Variants in ADH6 observed in about 807,000 individuals in gnomAD.
ADH6 encodes the protein alcohol dehydrogenase 6.
A neutral mutation model predicts 36.5 loss-of-function variants in ADH6; 34 were observed. That is an observed-to-expected ratio of 0.93 (90% CI 0.71 to 1.24). The LOEUF is 1.24. Among genes scored for constraint, ADH6 ranks in the 50% most tolerant of loss-of-function variants. The pLI is 0.00. For missense variants in ADH6, 440 were observed against 447.0 expected (o/e 0.98, Z 0.14); for synonymous variants, 161 against 155.5 (o/e 1.04, Z -0.26).
intron 3 of ADH6, 101 bp downstream of exon 3, chr4:99,213,505 T>A (rs1243128461): frequency 1.7e-6 from 2 of 1,178,620 alleles, no homozygotes; most frequent in Non-Finnish European, 2.3e-6. Flanking sequence ...ACATTTCACC[T>A]TTCATTTCAC....
intron 6 of ADH6, 199 bp downstream of exon 6, chr4:99,208,469 A>T (rs1196392347): frequency 2.1e-6 from 1 of 485,438 alleles, no homozygotes; most frequent in Non-Finnish European, 3.5e-6. Context: ...CTTTGAAATT[A>T]TATGAAAGTT....
chr4:99,204,097 G>A lies in ADH6; in HGVS notation c.*122C>T. ...GCCAGATATAGGTCCACTGCGGAGT[G>A]AATCAGAAGTCAGAATATAGAAATG... On this transcript the variant is annotated 3_prime_UTR_variant, in exon 9 of 9. Coordinates refer to ENST00000394899, the MANE Select transcript of ADH6 (RefSeq NM_001102470.2). 1 of 1,234,184 alleles carries A rather than the reference G, an allele frequency of 8.1e-7. No individual in the cohort carries two copies. Among genetic ancestry groups the A allele is most frequent in the Non-Finnish European group, 1.1e-6 (1 of 886,764 alleles). The allele number at this position is 1,234,184 out of a possible 1,614,324, so 76.5% of individuals were successfully genotyped here. A position where few individuals can be genotyped will look rare whatever the true frequency, so the allele number is the denominator to read the frequency against.
chr4:99,215,221 G>A (rs1413577630), intron 2 of ADH6, among the ~76,000 whole-genome samples: 1 of 152,206 alleles, frequency 6.6e-6, no homozygotes, highest in Non-Finnish European at 1.5e-5. Flanking sequence ...AGGGGATGTA[G>A]GATGGAGAAG....
Position 99,209,102 on chromosome 4 carries a change from C to T in ADH6, c.568-174G>A, listed in dbSNP as rs543212365. 3.9e-5 allele frequency among the ~76,000 whole-genome samples: 6 copies of T among 152,162 alleles called. No homozygotes were observed. The South Asian group carries it at 1.2e-3, about 32-fold the overall frequency. ...AAGTTTTGATTTTTCAAAAATATTT[C>T]TAGATATGGAATACTCTTGGCACAG... On this transcript the variant is annotated intron_variant, in intron 5 of 8. Coordinates refer to ENST00000394899, the MANE Select transcript of ADH6 (RefSeq NM_001102470.2).
At chr4:99,204,834 A>G in intron 8 of ADH6, 91 bp downstream of exon 8, 24 of 1,483,436 alleles carry the variant, frequency 1.6e-5, no homozygotes, top group South Asian at 1.0e-4. Flanking sequence ...CAGCTTCTGC[A>G]GCAGGGACGA....
At chr4:99,215,130 G>A (rs929471935) in intron 2 of ADH6, among the ~76,000 whole-genome samples, 1 of 152,122 alleles carries the variant, frequency 6.6e-6, no homozygotes, top group Non-Finnish European at 1.5e-5. Flanking sequence ...TTGAGTGAGG[G>A]TCCAAACCTG....
In ADH6 at chr4:99,203,893, A is replaced by T. The variant is rs1730934019; in HGVS notation, c.*326T>A. 3.7e-6 allele frequency: 1 copy of T among 272,304 alleles called. No individual in the cohort carries two copies. Among genetic ancestry groups the T allele is most frequent in the Admixed American group, 5.2e-5 (1 of 19,182 alleles). The allele number at this position is 272,304 out of a possible 1,614,324, so 16.9% of individuals were successfully genotyped here. On this transcript the variant is annotated 3_prime_UTR_variant, in exon 9 of 9. Transcript: ENST00000394899. ...AGAGAGACATATAGTGTACAAGAAT[A>T]TAAAGGTCCACAGGTAGAGGAACTA...
In ADH6 at chr4:99,211,141, CTATTT is replaced by C. The variant is rs371362629; in HGVS notation, c.263-644_263-640del. ...AAACCTTATGAAGATTTAGTTTCTT[CTATTT>C]TATTTATTTTTATTTTTTTAAAAAG... On this transcript the variant is annotated intron_variant, in intron 3 of 8. Transcript: ENST00000394899. 7.0e-4 allele frequency among the ~76,000 whole-genome samples: 105 copies of C among 150,432 alleles called. No homozygotes were observed. The Middle Eastern group carries it at 0.01, about 15-fold the overall frequency.
chr4:99,215,498 G>C (rs1731375064), intron 2 of ADH6, among the ~76,000 whole-genome samples: 1 of 152,140 alleles, frequency 6.6e-6, no homozygotes, highest in South Asian at 2.1e-4. Context: ...GATGGGACTT[G>C]GTTATCAGCA....
In ADH6 at chr4:99,206,779, G is replaced by A. The variant is rs141750780; in HGVS notation, c.964+667C>T. Among the ~76,000 whole-genome samples the A allele has an allele frequency of 6.3e-4, 95 of 151,936 alleles. No homozygotes were observed. The East Asian group carries it at 0.013, about 20-fold the overall frequency. On this transcript the variant is annotated intron_variant, in intron 7 of 8. Transcript: ENST00000394899. ...AGTTTCTGGATAAATACATTTCTTCGTAAATTTCAGATTTCTTGCTTATGA... is the reference window on the plus strand; with the variant it reads ...AGTTTCTGGATAAATACATTTCTTCATAAATTTCAGATTTCTTGCTTATGA...
At chr4:99,208,994 T>G (rs777611892) in intron 5 of ADH6, 66 bp from the exon 6 acceptor site, 233 of 1,522,004 alleles carry the variant, frequency 1.5e-4, no homozygotes, top group Non-Finnish European at 2.0e-4. Context: ...TTTACTCAGT[T>G]GGGAAGGCTA....
chr4:99,204,607 T>C (rs568258837), intron 8 of ADH6: 1 of 1,172,220 alleles, frequency 8.5e-7, no homozygotes, highest in Non-Finnish European at 1.1e-6. Flanking sequence ...TCTTATGTTT[T>C]TAAACTTGAG....
intron 6 of ADH6, chr4:99,208,383 C>T (rs536800658): frequency 1.9e-4 from 50 of 268,184 alleles, no homozygotes; most frequent in African/African-American, 4.8e-4. Flanking sequence ...ACATGAAAGA[C>T]GACTGAAAGT....
rs553435768 is a variant in ADH6 at position 99,202,962 on chromosome 4, A to G, written c.*1257T>C. 3.0e-5 allele frequency: 12 copies of G among 395,146 alleles called. No homozygotes were observed. The South Asian group carries it at 1.6e-3, about 52-fold the overall frequency. 24.5% of individuals were successfully genotyped at this position (395,146 alleles called of 1,614,324 possible). On this transcript the variant is annotated 3_prime_UTR_variant, in exon 9 of 9. Coordinates refer to ENST00000394899, the MANE Select transcript of ADH6 (RefSeq NM_001102470.2). ...CCCTAAAGGGAAACACAGGATGCCCAACTCATAAGAATCAGACTGTTATGA... is the reference window on the plus strand; with the variant it reads ...CCCTAAAGGGAAACACAGGATGCCCGACTCATAAGAATCAGACTGTTATGA...
rs1731556034 is a variant in ADH6 at position 99,219,217 on chromosome 4, AG to A, written c.-66del. On this transcript the variant is annotated 5_prime_UTR_variant, in exon 1 of 9. Transcript: ENST00000394899. ...GAGATCCTGTAGCAACTTTCACTGT[AG>A]AAAGTACAAAGGTACACAGGCGACT... The A allele has an allele frequency of 6.8e-7, 1 of 1,472,102 alleles. No individual in the cohort carries two copies. Among genetic ancestry groups the A allele is most frequent in the African/African-American group, 1.4e-5 (1 of 71,968 alleles). The allele number at this position is 1,472,102 out of a possible 1,614,324, so 91.2% of individuals were successfully genotyped here. A position where few individuals can be genotyped will look rare whatever the true frequency, so the allele number is the denominator to read the frequency against.
chr4:99,213,705 C>T lies in ADH6; in HGVS notation c.163G>A (p.Gly55Arg). The T allele has an allele frequency of 6.2e-7, 1 of 1,613,864 alleles. No individual in the cohort carries two copies. The highest frequency in any genetic ancestry group is 2.2e-5 in the East Asian group (1 of 44,868). ...TACAAGAGGTCCAAGTGTTTACTCC[C>T]CAACACTTTCATCTCTGTACCACAC... is the stretch of plus-strand genomic sequence containing the variant. ...GLCGTEMKVL[G>R]SKHLDLLYPT... The change falls in exon 3 of 9, where the codon GGG becomes AGG. Residue 55 changes from glycine (G) to arginine (R), a missense_variant. Coordinates refer to ENST00000394899, the MANE Select transcript of ADH6 (RefSeq NM_001102470.2).
Position 99,208,918 on chromosome 4 carries a change from C to A in ADH6, c.578G>T (p.Gly193Val), listed in dbSNP as rs149932401. The change falls in exon 6 of 9, where the codon GGT becomes GTT. Residue 193 changes from glycine to valine, a missense_variant. Coordinates refer to ENST00000394899, the MANE Select transcript of ADH6 (RefSeq NM_001102470.2). Reference protein sequence around the residue: ...AAINTAKVTPGSTCAVFGLGG... With the variant: ...AAINTAKVTPVSTCAVFGLGG... Reference sequence around the variant, plus strand: ...CAGGCCAAACACAGCACAGGTAGAACCTGGAGTCACCTAAACACATACAGG... The same window carrying A: ...CAGGCCAAACACAGCACAGGTAGAAACTGGAGTCACCTAAACACATACAGG... 197 of 1,612,824 alleles carry A rather than the reference C, an allele frequency of 1.2e-4. No individual in the cohort carries two copies. The highest frequency in any genetic ancestry group is 1.6e-4 in the Non-Finnish European group (186 of 1,179,448).
At chr4:99,215,063 C>A (rs1731354837) in intron 2 of ADH6, among the ~76,000 whole-genome samples, 2 of 152,188 alleles carry the variant, frequency 1.3e-5, no homozygotes, top group Non-Finnish European at 2.9e-5. Context: ...TATCTTGGTT[C>A]AAATTCACTG....
At chr4:99,208,392 G>T in intron 6 of ADH6, 1 of 291,938 alleles carries the variant, frequency 3.4e-6, no homozygotes. Flanking sequence ...ACGACTGAAA[G>T]TGAAAAGCAC....
Sources: gnomAD v4.1 joint callset for allele counts (sites outside exome capture counted in the v4.1 genomes callset) on GRCh38, gnomAD v4.1.1 for gene constraint, MANE v1.5 for transcripts, NCBI Gene and HGNC (gene_info 2026-07-23, HGNC 2026-07-21) for gene names.